MYO16: variants seen among roughly 807,000 people sequenced by gnomAD.
MYO16 encodes myosin XVI.
Under a neutral mutation model 205.3 loss-of-function variants are expected in MYO16, and 94 were observed. That is an observed-to-expected ratio of 0.46 (90% CI 0.39 to 0.54). The LOEUF is 0.54. MYO16 is among the 20% of genes least tolerant of loss of function. MYO16 has a pLI of 0.00. For missense variants in MYO16, 2,315 were observed against 2,387.5 expected (o/e 0.97, Z 0.63); for synonymous variants, 988 against 954.0 (o/e 1.04, Z -0.66).
chr13:108,965,031 A>C lies in MYO16; in HGVS notation c.2369+129A>C, dbSNP rs150785567. ...AACTTCATTAATATATTTTATTTTA[A>C]CAAGGTAATCTGACTTGATGGGTTT... On this transcript the variant is annotated intron_variant, in intron 20 of 34. Transcript: ENST00000457511. 67 of 1,007,334 alleles carry C rather than the reference A, an allele frequency of 6.7e-5. No individual in the cohort carries two copies. The African/African-American group carries it at 1.0e-3, about 15-fold the overall frequency. 62.4% of individuals were successfully genotyped at this position (1,007,334 alleles called of 1,614,324 possible). A position where few individuals can be genotyped will look rare whatever the true frequency, so the allele number is the denominator to read the frequency against.
chr13:108,611,978 T>TA (rs1879191169), intron 1 of MYO16, among the ~76,000 whole-genome samples: 1 of 83,358 alleles, frequency 1.2e-5, no homozygotes, highest in Admixed American at 1.3e-4. Context: ...TTTTCTTTTT[T>TA]TTTTTTTTTT....
At position 108,629,771 on chromosome 13, in the gene MYO16, A is replaced by G; in HGVS notation, c.-74A>G. On this transcript the variant is annotated 5_prime_UTR_variant, in exon 1 of 35. Transcript: ENST00000457511. Reference sequence around the variant, plus strand: ...CCTGAGTAAGGGCTTTAAGTAATGCATTTCCTGGGAACGACAGTTGTGACA... The same window carrying G: ...CCTGAGTAAGGGCTTTAAGTAATGCGTTTCCTGGGAACGACAGTTGTGACA... 4 of 1,414,886 alleles carry G rather than the reference A, an allele frequency of 2.8e-6. No individual in the cohort carries two copies. The highest frequency in any genetic ancestry group is 3.8e-6 in the Non-Finnish European group (4 of 1,041,126). 87.6% of individuals were successfully genotyped at this position (1,414,886 alleles called of 1,614,324 possible). A position where few individuals can be genotyped will look rare whatever the true frequency, so the allele number is the denominator to read the frequency against.
rs923858682 is a variant in MYO16 at position 109,023,151 on chromosome 13, A to T, written c.2796+3240A>T. Among the ~76,000 whole-genome samples, 7 of 130,438 alleles carry T rather than the reference A, an allele frequency of 5.4e-5. No individual in the cohort carries two copies. The South Asian group carries it at 1.4e-3, about 26-fold the overall frequency. The allele number at this position is 130,438 out of a possible 152,430, so 85.6% of individuals were successfully genotyped here. On this transcript the variant is annotated intron_variant, in intron 23 of 34. Coordinates refer to ENST00000457511, the MANE Select transcript of MYO16 (RefSeq NM_001198950.3). ...TATAAATTTATGTATATGTTTATGT[A>T]TTATATATACAAATACAAATTTATG...
At position 109,179,590 on chromosome 13, in the gene MYO16, G is replaced by T; in HGVS notation, c.5372G>T (p.Gly1791Val). The T allele has an allele frequency of 6.2e-7, 1 of 1,613,994 alleles. No individual in the cohort carries two copies. Residue 1791 changes from glycine (G) to valine (V), a missense_variant, in exon 34 of 35, where the codon GGG becomes GTG. Physicochemically the swap from Gly to Val is moderately radical, Grantham distance 109. Around this residue, in one of 3 missense-constraint regions of MYO16, gnomAD observed 1,097 missense variants for 1,092.0 expected, o/e 1.00. Coordinates refer to ENST00000457511, the MANE Select transcript of MYO16 (RefSeq NM_001198950.3). Reference protein sequence around the residue: ...GYSRLSISGTGTSTFQRHRDS... With the variant: ...GYSRLSISGTVTSTFQRHRDS... ...TCACGGTTGTCTATAAGTGGCACAG[G>T]GACTTCGACATTTCAAAGACACAGG...
At chr13:109,107,688 ATTCT>A (rs1030425652) in intron 28 of MYO16, among the ~76,000 whole-genome samples, 2 of 151,920 alleles carry the variant, frequency 1.3e-5, no homozygotes, top group African/African-American at 2.4e-5. Context: ...CTATAAAATG[ATTCT>A]TTCTTCTGTA....
intron 9 of MYO16, among the ~76,000 whole-genome samples, chr13:108,841,425 G>A (rs1429333109): frequency 5.9e-5 from 9 of 152,240 alleles, no homozygotes; most frequent in South Asian, 2.1e-4. Context: ...ACAATGGATC[G>A]TAGGTCAAAG....
At chr13:108,989,052 C>T (rs1418385003) in intron 20 of MYO16, among the ~76,000 whole-genome samples, 2 of 152,010 alleles carry the variant, frequency 1.3e-5, no homozygotes, top group African/African-American at 4.8e-5. Context: ...TTAGAAAATG[C>T]CCAAATATAT....
At chr13:108,536,023 G>A in the MYO16 span, among the ~76,000 whole-genome samples, 15 of 77,306 alleles carry the variant, frequency 1.9e-4, no homozygotes, top group South Asian at 7.4e-3. Flanking sequence ...ACGTGTGTGT[G>A]CATGTGTGTG....
intron 2 of MYO16, among the ~76,000 whole-genome samples, chr13:108,694,492 C>T (rs1050046121): frequency 2.6e-5 from 4 of 152,124 alleles, no homozygotes; most frequent in Admixed American, 6.5e-5. Flanking sequence ...ATTTCCCAAG[C>T]ATCTTTCATG....
the MYO16 span, among the ~76,000 whole-genome samples, chr13:108,509,156 A>G: frequency 6.6e-6 from 1 of 152,214 alleles, no homozygotes; most frequent in Admixed American, 6.5e-5. Flanking sequence ...GAGATCTGAA[A>G]CCTTCAGGGA....
At chr13:108,892,195 C>A (rs1296908010) in intron 14 of MYO16, among the ~76,000 whole-genome samples, 2 of 152,016 alleles carry the variant, frequency 1.3e-5, no homozygotes, top group African/African-American at 2.4e-5. Context: ...AATTTATAAC[C>A]ATTTATTAAG....
At chr13:108,960,449 A>G (rs1883539950) in intron 17 of MYO16, among the ~76,000 whole-genome samples, 1 of 152,202 alleles carries the variant, frequency 6.6e-6, no homozygotes, top group African/African-American at 2.4e-5. Context: ...ATATTATTAT[A>G]CCTGAAAATT....
At chr13:109,066,886 G>A (rs535426542) in intron 27 of MYO16, among the ~76,000 whole-genome samples, 10 of 152,084 alleles carry the variant, frequency 6.6e-5, no homozygotes, top group South Asian at 4.1e-4. Flanking sequence ...TTAGAAAAAC[G>A]GACGATTTGA....
chr13:108,898,371 T>TGTGTGTGTGC (rs1205653892), intron 15 of MYO16, among the ~76,000 whole-genome samples: 1 of 151,690 alleles, frequency 6.6e-6, no homozygotes, highest in African/African-American at 2.4e-5. Flanking sequence ...TGTGTGTGTG[T>TGTGTGTGTGC]GTGTGTGTGT....
At chr13:109,196,204 G>A (rs1353219579) in intron 34 of MYO16, among the ~76,000 whole-genome samples, 1 of 152,150 alleles carries the variant, frequency 6.6e-6, no homozygotes, top group African/African-American at 2.4e-5. Context: ...GTACAGAAAT[G>A]GAAAGTAGAT....
intron 1 of MYO16, among the ~76,000 whole-genome samples, chr13:108,656,905 C>G (rs1009566902): frequency 1.3e-5 from 2 of 152,282 alleles, no homozygotes; most frequent in South Asian, 2.1e-4. Context: ...AACAGGTACT[C>G]CATCCTAATT....
chr13:109,161,612 C>A (rs1315445059), intron 32 of MYO16, among the ~76,000 whole-genome samples: 1 of 152,202 alleles, frequency 6.6e-6, no homozygotes, highest in Non-Finnish European at 1.5e-5. Context: ...AAGTATCATG[C>A]TGACCATTAG....
chr13:108,836,654 C>T (rs755024052), intron 9 of MYO16, among the ~76,000 whole-genome samples: 5 of 152,190 alleles, frequency 3.3e-5, no homozygotes, highest in Non-Finnish European at 1.5e-5. Context: ...GCCATGGGAG[C>T]CCACCTCTTG....
intron 16 of MYO16, among the ~76,000 whole-genome samples, chr13:108,915,338 A>G (rs1462493987): frequency 6.6e-6 from 1 of 152,244 alleles, no homozygotes; most frequent in East Asian, 1.9e-4. Flanking sequence ...AGCTCTCCAT[A>G]AAGTCAGACG....
Sources: allele counts gnomAD v4.1 joint callset (sites outside exome capture counted in the v4.1 genomes callset), GRCh38; gene constraint gnomAD v4.1.1; regional missense constraint gnomAD v4.1.1; transcripts MANE v1.5; gene names NCBI Gene and HGNC (gene_info 2026-07-23, HGNC 2026-07-21).